ZBTB16: variants seen among roughly 807,000 people sequenced by gnomAD.
ZBTB16 encodes the protein zinc finger and BTB domain containing 16, also known as zinc finger and BTB domain-containing protein 16.
ZBTB16 carries 8 observed loss-of-function variants against 56.8 expected under a neutral mutation model. That is an observed-to-expected ratio of 0.14 (90% CI 0.08 to 0.25). The LOEUF is 0.25. Ranked by LOEUF, ZBTB16 falls within the 10% of genes least tolerant of loss-of-function variation. The pLI is 1.00. For synonymous variants in ZBTB16, 363 were observed against 368.5 expected, an observed-to-expected ratio of 0.98 and a Z score of 0.17; for missense variants, 625 against 903.0, an observed-to-expected ratio of 0.69 and a Z score of 3.95.
chr11:114,256,025 T>TTG lies in ZBTB16; in HGVS notation c.*5471_*5472insGT, dbSNP rs1555163200. Among the ~76,000 whole-genome samples the TTG allele has an allele frequency of 2.6e-5, 3 of 116,134 alleles. No individual in the cohort carries two copies. Among genetic ancestry groups the TTG allele is most frequent in the Non-Finnish European group, 5.4e-5 (3 of 55,642 alleles). 76.2% of individuals were successfully genotyped at this position (116,134 alleles called of 152,430 possible). On this transcript the variant is annotated 3_prime_UTR_variant, in exon 7 of 7. Coordinates refer to ENST00000335953, the MANE Select transcript of ZBTB16 (RefSeq NM_006006.6). ...TTGAAGTACTTGGTTTTGTTTTGTT[T>TTG]TTTTTTTTTGTTTTTTTTGCCTTTT...
At chr11:114,112,762 T>TTC (rs1286022289) in intron 2 of ZBTB16, among the ~76,000 whole-genome samples, 2 of 45,688 alleles carry the variant, frequency 4.4e-5, no homozygotes, top group African/African-American at 1.3e-4. Context: ...TTCATTTTCT[T>TTC]TTTTTTTTTT....
At chr11:114,211,181 CAG>C (rs1943992093) in intron 4 of ZBTB16, among the ~76,000 whole-genome samples, 1 of 152,206 alleles carries the variant, frequency 6.6e-6, no homozygotes, top group South Asian at 2.1e-4. Flanking sequence ...CTTGGCCTCC[CAG>C]AGTGCTGGGA....
chr11:114,099,829 A>G (rs1565625046), intron 2 of ZBTB16, among the ~76,000 whole-genome samples: 1 of 152,256 alleles, frequency 6.6e-6, no homozygotes, highest in African/African-American at 2.4e-5. Flanking sequence ...ATTGCGCTAC[A>G]GTCATTGAAC....
At chr11:114,163,734 A>G (rs1942663199) in intron 3 of ZBTB16, among the ~76,000 whole-genome samples, 1 of 152,098 alleles carries the variant, frequency 6.6e-6, no homozygotes. Context: ...CTGTCTCCAT[A>G]TGGTGCCTTA....
intron 3 of ZBTB16, among the ~76,000 whole-genome samples, chr11:114,157,393 A>C (rs901805466): frequency 1.3e-5 from 2 of 152,220 alleles, no homozygotes; most frequent in African/African-American, 4.8e-5. Context: ...GTTAACTTAC[A>C]TAATTTTTTG....
intron 3 of ZBTB16, among the ~76,000 whole-genome samples, chr11:114,185,344 G>A (rs1943337214): frequency 6.6e-6 from 1 of 152,206 alleles, no homozygotes; most frequent in African/African-American, 2.4e-5. Flanking sequence ...AATGAAGTGG[G>A]ATTCGAACAG....
intron 2 of ZBTB16, among the ~76,000 whole-genome samples, chr11:114,070,906 C>A (rs558249765): frequency 6.6e-6 from 1 of 152,210 alleles, no homozygotes; most frequent in African/African-American, 2.4e-5. Flanking sequence ...GAAATCTGGT[C>A]TTTTGGAGAG....
At chr11:114,245,581 A>AGGG (rs1310631578) in intron 5 of ZBTB16, among the ~76,000 whole-genome samples, 1 of 152,048 alleles carries the variant, frequency 6.6e-6, no homozygotes, top group Non-Finnish European at 1.5e-5. Flanking sequence ...TGGCCCGAGG[A>AGGG]GGGGAGAGAC....
At chr11:114,120,072 C>T (rs529138995) in intron 2 of ZBTB16, among the ~76,000 whole-genome samples, 1 of 152,162 alleles carries the variant, frequency 6.6e-6, no homozygotes, top group African/African-American at 2.4e-5. Flanking sequence ...AGGGTCTTGT[C>T]TGGAGGCAGT....
At chr11:114,113,142 G>A (rs997684550) in intron 2 of ZBTB16, among the ~76,000 whole-genome samples, 1 of 152,170 alleles carries the variant, frequency 6.6e-6, no homozygotes, top group African/African-American at 2.4e-5. Flanking sequence ...ATCTCTGCAT[G>A]TCTAATCTTT....
intron 2 of ZBTB16, among the ~76,000 whole-genome samples, chr11:114,142,499 A>T (rs1401523731): frequency 2.0e-5 from 3 of 152,246 alleles, no homozygotes; most frequent in Non-Finnish European, 4.4e-5. Context: ...TTTAGCTCAG[A>T]AATGAGGTGT....
chr11:114,164,004 G>A (rs946799238), intron 3 of ZBTB16, among the ~76,000 whole-genome samples: 1 of 152,224 alleles, frequency 6.6e-6, no homozygotes, highest in African/African-American at 2.4e-5. Flanking sequence ...GTAATGGGCT[G>A]ATTTTGTATT....
intron 4 of ZBTB16, among the ~76,000 whole-genome samples, chr11:114,220,060 G>A (rs755576926): frequency 2.0e-5 from 3 of 152,218 alleles, no homozygotes; most frequent in Non-Finnish European, 4.4e-5. Context: ...AGGAAAGAGA[G>A]CCAGTCTTTG....
In ZBTB16 at chr11:114,063,296, G is replaced by A; in HGVS notation, c.-5G>A. On this transcript the variant is annotated 5_prime_UTR_variant, in exon 2 of 7. Coordinates refer to ENST00000335953, the MANE Select transcript of ZBTB16 (RefSeq NM_006006.6). This position sits in a 1 kb window ranked among gnomAD's most constrained non-coding sequence, Gnocchi z 6.5. ...AAGCCTCATGCCTGAGCCGAGGGGA[G>A]CACCATGGATCTGACAAAAATGGGC... The A allele has an allele frequency of 6.2e-7, 1 of 1,613,590 alleles. No individual in the cohort carries two copies. Among genetic ancestry groups the A allele is most frequent in the Non-Finnish European group, 8.5e-7 (1 of 1,179,950 alleles).
intron 3 of ZBTB16, among the ~76,000 whole-genome samples, chr11:114,165,016 G>A (rs1016231588): frequency 5.3e-5 from 8 of 151,802 alleles, no homozygotes; most frequent in South Asian, 2.1e-4. Flanking sequence ...ATCTGTCTTC[G>A]TTGGTCTTTT....
At chr11:114,231,817 T>G (rs1944446081) in intron 4 of ZBTB16, among the ~76,000 whole-genome samples, 1 of 152,194 alleles carries the variant, frequency 6.6e-6, no homozygotes, top group African/African-American at 2.4e-5. Flanking sequence ...GAAAGGACCA[T>G]TCAACCTGCC....
At chr11:114,233,061 ACGCATGCGCG>A (rs1944475994) in intron 4 of ZBTB16, among the ~76,000 whole-genome samples, 1 of 104,938 alleles carries the variant, frequency 9.5e-6, no homozygotes, top group Admixed American at 1.0e-4. Context: ...TACTGCACAT[ACGCATGCGCG>A]CGCGCGCGCG....
chr11:114,151,333 T>C (rs1271847655), intron 2 of ZBTB16, among the ~76,000 whole-genome samples: 1 of 152,122 alleles, frequency 6.6e-6, no homozygotes, highest in East Asian at 1.9e-4. Flanking sequence ...GTGGTCTGAG[T>C]GTTGGTTCAG....
intron 3 of ZBTB16, among the ~76,000 whole-genome samples, chr11:114,175,407 A>C (rs1943083100): frequency 6.6e-6 from 1 of 152,152 alleles, no homozygotes; most frequent in African/African-American, 2.4e-5. Context: ...GCAATATACC[A>C]GTTAATTCTC....
Sources: allele counts gnomAD v4.1 joint callset (sites outside exome capture counted in the v4.1 genomes callset), GRCh38; gene constraint gnomAD v4.1.1; non-coding constraint Gnocchi (gnomAD v3.1); transcripts MANE v1.5; gene names NCBI Gene and HGNC (gene_info 2026-07-23, HGNC 2026-07-21).